The following KIAA1328 variants were observed in gnomAD, a reference collection of about 807,000 sequenced individuals.
KIAA1328 encodes the protein KIAA1328, also known as protein hinderin.
In KIAA1328, 52 loss-of-function variants were observed where a neutral mutation model predicts 68.1. The ratio of observed to expected loss-of-function variants is 0.76; its 90% CI spans 0.61 to 0.96. The LOEUF (loss-of-function observed/expected upper bound fraction) is 0.96. Ranked by LOEUF, KIAA1328 falls within the 40% of genes least tolerant of loss-of-function variation. The pLI is 0.00. For synonymous variants in KIAA1328, 232 were observed against 239.4 expected (o/e 0.97, Z 0.28); for missense variants, 641 against 677.6 (o/e 0.95, Z 0.60).
intron 6 of KIAA1328, among the ~76,000 whole-genome samples, chr18:37,066,110 A>G (rs2056328402): frequency 6.6e-6 from 1 of 152,232 alleles, no homozygotes; most frequent in Non-Finnish European, 1.5e-5. Context: ...TTATTCTGCT[A>G]CACATTAAAG....
chr18:37,087,024 CT>C (rs2057125109), intron 7 of KIAA1328, among the ~76,000 whole-genome samples: 1 of 152,032 alleles, frequency 6.6e-6, no homozygotes, highest in Non-Finnish European at 1.5e-5. Flanking sequence ...CTCTGATTTT[CT>C]TATTTTTCTC....
chr18:36,959,959 A>G (rs1396490022), intron 6 of KIAA1328, among the ~76,000 whole-genome samples: 3 of 152,218 alleles, frequency 2.0e-5, no homozygotes, highest in East Asian at 3.8e-4. Flanking sequence ...AATGGTATGT[A>G]TTATATACTT....
intron 7 of KIAA1328, among the ~76,000 whole-genome samples, chr18:37,103,228 T>C (rs970977968): frequency 2.6e-5 from 4 of 151,900 alleles, no homozygotes; most frequent in Non-Finnish European, 4.4e-5. Flanking sequence ...GAGCAAAAGG[T>C]TACATCACAC....
At chr18:36,973,830 T>C (rs12966014) in intron 6 of KIAA1328, among the ~76,000 whole-genome samples, 20,902 of 147,070 alleles carry the variant, frequency 0.14, 1,848 homozygotes, top group Non-Finnish European at 0.19. Flanking sequence ...CACACACACA[T>C]ACACACACAC....
At chr18:37,198,909 AT>A (rs1471395410) in intron 9 of KIAA1328, among the ~76,000 whole-genome samples, 1 of 152,150 alleles carries the variant, frequency 6.6e-6, no homozygotes, top group Non-Finnish European at 1.5e-5. Flanking sequence ...CACACATAAG[AT>A]TGGTGACTTT....
In KIAA1328 at chr18:37,223,978, C is replaced by T. The variant is rs1029383764; in HGVS notation, c.*1751C>T. ...ATTAAAATTTCTTTATAAAGTTCACCTCTGAGAGTAACCAAATCGGTTTCA... is the reference window on the plus strand; with the variant it reads ...ATTAAAATTTCTTTATAAAGTTCACTTCTGAGAGTAACCAAATCGGTTTCA... On this transcript the variant is annotated 3_prime_UTR_variant, in exon 10 of 10. Transcript: ENST00000280020. 1.0e-6 allele frequency: 1 copy of T among 985,268 alleles called. No homozygotes were observed. Among genetic ancestry groups the T allele is most frequent in the African/African-American group, 1.7e-5 (1 of 57,230 alleles). 61.0% of individuals were successfully genotyped at this position (985,268 alleles called of 1,614,324 possible). A position where few individuals can be genotyped will look rare whatever the true frequency, so the allele number is the denominator to read the frequency against.
At chr18:37,050,836 T>G (rs569408688) in intron 6 of KIAA1328, among the ~76,000 whole-genome samples, 1 of 152,330 alleles carries the variant, frequency 6.6e-6, no homozygotes, top group East Asian at 1.9e-4. Flanking sequence ...CATTGATAGC[T>G]GAATGTTTAC....
At chr18:37,218,856 G>T (rs1025949846) in intron 9 of KIAA1328, among the ~76,000 whole-genome samples, 3 of 152,164 alleles carry the variant, frequency 2.0e-5, no homozygotes, top group Admixed American at 1.3e-4. Flanking sequence ...TTGTTCCATT[G>T]CTGGCGAGGA....
At position 36,940,758 on chromosome 18, in the gene KIAA1328, C is replaced by T. The variant is rs183370894; in HGVS notation, c.449-18550C>T. On this transcript the variant is annotated intron_variant, in intron 5 of 9. Coordinates refer to ENST00000280020, the MANE Select transcript of KIAA1328 (RefSeq NM_020776.3). The stretch of plus-strand genomic sequence containing the variant: ...TGGTGCGAACTCGGCTCACTGCAAC[C>T]TCTGCCTCCCGGGTTCAAGCGATTA... Among the ~76,000 whole-genome samples the T allele has an allele frequency of 6.9e-4, 104 of 151,338 alleles. No homozygotes were observed. The Middle Eastern group carries it at 0.014, about 20-fold the overall frequency.
chr18:36,993,815 A>G (rs113066947), intron 6 of KIAA1328, among the ~76,000 whole-genome samples: 72 of 152,254 alleles, frequency 4.7e-4, no homozygotes, highest in African/African-American at 1.7e-3. Flanking sequence ...GATTAAAGTC[A>G]GAAATGGAGA....
intron 7 of KIAA1328, among the ~76,000 whole-genome samples, chr18:37,159,921 T>C (rs1377743830): frequency 1.3e-5 from 2 of 152,210 alleles, no homozygotes; most frequent in Non-Finnish European, 2.9e-5. Flanking sequence ...TGGTTCTTAG[T>C]CATATTCTGT....
At chr18:36,940,619 C>T (rs2050671272) in intron 5 of KIAA1328, among the ~76,000 whole-genome samples, 1 of 151,294 alleles carries the variant, frequency 6.6e-6, no homozygotes, top group African/African-American at 2.4e-5. Context: ...TTTCAGAAGA[C>T]TGAAAAGCCT....
At chr18:37,015,075 G>A (rs1233679837) in intron 6 of KIAA1328, among the ~76,000 whole-genome samples, 1 of 151,988 alleles carries the variant, frequency 6.6e-6, no homozygotes, top group Non-Finnish European at 1.5e-5. Flanking sequence ...GCTAATTTTA[G>A]TATTTTTAGT....
intron 6 of KIAA1328, among the ~76,000 whole-genome samples, chr18:37,063,166 G>A (rs1204190408): frequency 1.3e-5 from 2 of 152,034 alleles, no homozygotes; most frequent in African/African-American, 4.8e-5. Flanking sequence ...ATGGTCATTG[G>A]CAGAAGTTAG....
At chr18:37,071,878 T>C (rs1480704529) in intron 7 of KIAA1328, among the ~76,000 whole-genome samples, 2 of 152,206 alleles carry the variant, frequency 1.3e-5, no homozygotes, top group Non-Finnish European at 2.9e-5. Flanking sequence ...CCCCCATTTA[T>C]AATTGTCTTA....
chr18:36,836,598 T>G (rs2046682257), intron 3 of KIAA1328, among the ~76,000 whole-genome samples: 1 of 152,130 alleles, frequency 6.6e-6, no homozygotes, highest in Non-Finnish European at 1.5e-5. Context: ...TACATTTGCT[T>G]TAGTCAACTC....
intron 9 of KIAA1328, among the ~76,000 whole-genome samples, chr18:37,182,102 G>A (rs2059710171): frequency 6.6e-6 from 1 of 152,150 alleles, no homozygotes; most frequent in South Asian, 2.1e-4. Context: ...GGTGACATCT[G>A]TTCAGTATTG....
intron 6 of KIAA1328, among the ~76,000 whole-genome samples, chr18:37,041,005 T>G (rs1035079957): frequency 1.3e-4 from 19 of 151,972 alleles, no homozygotes; most frequent in African/African-American, 4.3e-4. Flanking sequence ...TATATGTTAT[T>G]AAAAATAATG....
intron 4 of KIAA1328, among the ~76,000 whole-genome samples, chr18:36,863,738 T>C (rs916476067): frequency 1.3e-5 from 2 of 152,220 alleles, no homozygotes; most frequent in Non-Finnish European, 2.9e-5. Flanking sequence ...CATATTTTCT[T>C]ATATCTAAGT....
Sources: allele counts gnomAD v4.1 joint callset (sites outside exome capture counted in the v4.1 genomes callset), GRCh38; gene constraint gnomAD v4.1.1; transcripts MANE v1.5; gene names NCBI Gene and HGNC (gene_info 2026-07-23, HGNC 2026-07-21).